Variants in RASGEF1B observed in about 807,000 individuals in gnomAD.
RASGEF1B encodes the protein ras-GEF domain-containing family member 1B.
In RASGEF1B, 30 loss-of-function variants were observed where a neutral mutation model predicts 65.7. The observed-to-expected ratio is 0.46, with a 90% CI of 0.34 to 0.62. The LOEUF is 0.62. Among genes scored for constraint, RASGEF1B ranks in the 20% least tolerant of loss-of-function variants. The probability of loss-of-function intolerance (pLI) is 0.01; values close to 1 mark genes in which losing one functional copy is unlikely to be tolerated. For missense variants in RASGEF1B, 495 were observed against 580.1 expected (o/e 0.85, Z 1.51); for synonymous variants, 175 against 194.8 (o/e 0.90, Z 0.85).
chr4:81,447,842 CTT>C (rs1174698784), intron 5 of RASGEF1B, among the ~76,000 whole-genome samples: 2 of 152,138 alleles, frequency 1.3e-5, no homozygotes, highest in African/African-American at 4.8e-5. Flanking sequence ...TCAATAAACT[CTT>C]TGCTCTTCAG....
chr4:81,443,590 T>C (rs1403615864), intron 8 of RASGEF1B, among the ~76,000 whole-genome samples: 2 of 152,242 alleles, frequency 1.3e-5, no homozygotes, highest in Non-Finnish European at 2.9e-5. Flanking sequence ...AATTAATCCA[T>C]GTTACTTATA....
chr4:81,435,463 A>ATTT lies in RASGEF1B; in HGVS notation c.1105-732_1105-730dup, dbSNP rs1200565994. Among the ~76,000 whole-genome samples, 142 of 78,370 alleles carry ATTT rather than the reference A, an allele frequency of 1.8e-3. 1 individual carries two copies. The highest frequency in any genetic ancestry group is 3.3e-3 in the African/African-American group (58 of 17,588). The allele number at this position is 78,370 out of a possible 152,430, so 51.4% of individuals were successfully genotyped here. A position where few individuals can be genotyped will look rare whatever the true frequency, so the allele number is the denominator to read the frequency against. ...AGAATACCTATCATTGCAGGCACCG[A>ATTT]TTTTTTTTTTTTTTTTTTTTTTTGA... On this transcript the variant is annotated intron_variant, in intron 10 of 13. Coordinates refer to ENST00000264400, the MANE Select transcript of RASGEF1B (RefSeq NM_152545.3).
intron 4 of RASGEF1B, chr4:81,455,486 A>T (rs1388829420): frequency 6.6e-6 from 1 of 152,252 alleles, no homozygotes; most frequent in Non-Finnish European, 1.5e-5. Context: ...ACACCACTGA[A>T]AGAGTTCTCA....
intron 4 of RASGEF1B, chr4:81,454,831 AGAACATAATACAGGAAAG>A: frequency 6.6e-6 from 1 of 152,218 alleles, no homozygotes; most frequent in Non-Finnish European, 1.5e-5. Context: ...CATTTTCATG[AGAACATAATACAGGAAAG>A]CCCATACAAA....
chr4:81,443,067 G>A (rs1030554639), intron 8 of RASGEF1B, among the ~76,000 whole-genome samples: 3 of 152,206 alleles, frequency 2.0e-5, no homozygotes, highest in Non-Finnish European at 2.9e-5. Flanking sequence ...TAACAGAGAT[G>A]GAAGCTCACA....
At chr4:81,467,668 T>TG (rs2110000901) in intron 1 of RASGEF1B, among the ~76,000 whole-genome samples, 1 of 152,312 alleles carries the variant, frequency 6.6e-6, no homozygotes, top group Non-Finnish European at 1.5e-5. Context: ...ACTAGAGTTA[T>TG]GGGGAAAATA....
In RASGEF1B at chr4:81,445,991, T is replaced by C. The variant is rs149124938; in HGVS notation, c.730-153A>G. The stretch of plus-strand genomic sequence containing the variant: ...AGAGAGAGAAAGACAACCACTGGCA[T>C]TCTTGATTATCCTTACAGAAATATC... On this transcript the variant is annotated intron_variant, in intron 6 of 13. Transcript: ENST00000264400. Among the ~76,000 whole-genome samples, 299 of 152,366 alleles carry C rather than the reference T, an allele frequency of 2.0e-3. 2 individuals carry two copies. The highest frequency in any genetic ancestry group is 6.9e-3 in the African/African-American group (286 of 41,590).
At chr4:81,461,953 C>G (rs142599563) in intron 1 of RASGEF1B, among the ~76,000 whole-genome samples, 3 of 152,330 alleles carry the variant, frequency 2.0e-5, no homozygotes, top group Non-Finnish European at 4.4e-5. Flanking sequence ...ACCCACAAAA[C>G]GGTCATGGGT....
chr4:81,439,856 T>C (rs1721774417), intron 10 of RASGEF1B, among the ~76,000 whole-genome samples: 1 of 152,206 alleles, frequency 6.6e-6, no homozygotes, highest in South Asian at 2.1e-4. Flanking sequence ...TTTATTTAAA[T>C]AAAAAATTTG....
At position 81,456,664 on chromosome 4, in the gene RASGEF1B, G is replaced by C; in HGVS notation, c.425C>G (p.Ala142Gly). Residue 142 changes from alanine to glycine, a missense_variant, in exon 4 of 14, where the codon GCC becomes GGC. Transcript: ENST00000264400. Reference protein sequence around the residue: ...RNLKDLAHRIASGEEQTYRKN... With the variant: ...RNLKDLAHRIGSGEEQTYRKN... ...CAGGTTACCAACCTCTTCGCCACTG[G>C]CTATTCGGTGAGCCAGATCTTTTAA... The C allele has an allele frequency of 1.2e-6, 2 of 1,614,150 alleles. No individual in the cohort carries two copies. Among genetic ancestry groups the C allele is most frequent in the Non-Finnish European group, 1.7e-6 (2 of 1,179,988 alleles).
intron 4 of RASGEF1B, among the ~76,000 whole-genome samples, chr4:81,450,235 T>C (rs544056215): frequency 1.1e-3 from 162 of 152,260 alleles, no homozygotes; most frequent in African/African-American, 3.6e-3. Context: ...TAAAAATCTA[T>C]GGCCAGGCAT....
At chr4:81,465,791 G>C (rs1402308297) in intron 1 of RASGEF1B, among the ~76,000 whole-genome samples, 1 of 152,208 alleles carries the variant, frequency 6.6e-6, no homozygotes, top group African/African-American at 2.4e-5. Flanking sequence ...TTGAGGAAAA[G>C]ATGGGTATGG....
At chr4:81,456,827 C>A in intron 3 of RASGEF1B, 39 bp from the exon 4 acceptor site, 1 of 1,532,496 alleles carries the variant, frequency 6.5e-7, no homozygotes, top group Non-Finnish European at 8.9e-7. Context: ...TGATATTTAT[C>A]ACTATGGACT....
intron 1 of RASGEF1B, among the ~76,000 whole-genome samples, 165 bp from the exon 2 acceptor site, chr4:81,459,679 C>T (rs1200527071): frequency 2.0e-5 from 3 of 152,108 alleles, no homozygotes; most frequent in African/African-American, 7.2e-5. Flanking sequence ...AACCAAATTG[C>T]TCTCTGAGTA....
chr4:81,466,482 A>G (rs766385338), intron 1 of RASGEF1B, among the ~76,000 whole-genome samples: 14 of 152,070 alleles, frequency 9.2e-5, no homozygotes, highest in Admixed American at 2.6e-4. Context: ...CAAGATTGCC[A>G]GGCGCGGTGG....
At chr4:81,460,992 A>T (rs1273905970) in intron 1 of RASGEF1B, among the ~76,000 whole-genome samples, 1 of 151,078 alleles carries the variant, frequency 6.6e-6, no homozygotes, top group East Asian at 1.9e-4. Context: ...CCAAAGGGTC[A>T]GGCACTATGG....
chr4:81,437,770 C>A (rs55731068), intron 10 of RASGEF1B, among the ~76,000 whole-genome samples: 10 of 152,060 alleles, frequency 6.6e-5, no homozygotes, highest in Non-Finnish European at 1.5e-4. Context: ...CTTATGCCTG[C>A]ATGCAAGAAA....
chr4:81,445,564 A>C lies in RASGEF1B; in HGVS notation c.890T>G (p.Phe297Cys). The stretch of plus-strand genomic sequence containing the variant: ...CAAGGAGTTGAAGTTGCCAATGTTA[A>C]AACACTCCCGAGCTACGTCAATGAA... ...EYFIDVAREC[F>C]NIGNFNSLMA... The change falls in exon 8 of 14, where the codon TTT (phenylalanine) becomes TGT (cysteine). Residue 297 changes from phenylalanine to cysteine, a missense_variant. Transcript: ENST00000264400. 1 of 1,614,014 alleles carries C rather than the reference A, an allele frequency of 6.2e-7. No homozygotes were observed. The highest frequency in any genetic ancestry group is 8.5e-7 in the Non-Finnish European group (1 of 1,179,880).
At chr4:81,430,866 A>G (rs1002959197) in intron 13 of RASGEF1B, among the ~76,000 whole-genome samples, 5 of 152,218 alleles carry the variant, frequency 3.3e-5, no homozygotes, top group Non-Finnish European at 7.4e-5. Context: ...GATTAATTTA[A>G]AATGTCTGGA....
Sources: allele counts gnomAD v4.1 joint callset (sites outside exome capture counted in the v4.1 genomes callset), GRCh38; gene constraint gnomAD v4.1.1; transcripts MANE v1.5; gene names NCBI Gene and HGNC (gene_info 2026-07-23, HGNC 2026-07-21).